The following UVSSA variants were observed in gnomAD, a reference collection of about 807,000 sequenced individuals.
UVSSA encodes the protein UV stimulated scaffold protein A, also known as UV-stimulated scaffold protein A.
In UVSSA, 72 loss-of-function variants were observed where a neutral mutation model predicts 73.9. The observed-to-expected ratio is 0.97, with a 90% CI of 0.81 to 1.19. UVSSA has a LOEUF of 1.19. UVSSA is among the 50% of genes most tolerant of loss of function. The probability of loss-of-function intolerance (pLI) is 0.00; values close to 1 mark genes in which losing one functional copy is unlikely to be tolerated. For missense variants in UVSSA, 1,150 were observed against 965.0 expected (o/e 1.19, Z -2.54); for synonymous variants, 454 against 391.3 (o/e 1.16, Z -1.89).
intron 8 of UVSSA, among the ~76,000 whole-genome samples, chr4:1,373,750 C>T (rs911122430): frequency 6.6e-6 from 1 of 152,190 alleles, no homozygotes; most frequent in South Asian, 2.1e-4. Context: ...ACCTGCGCGT[C>T]CCCCACACCC....
intron 3 of UVSSA, among the ~76,000 whole-genome samples, chr4:1,350,057 G>A (rs991246480): frequency 7.9e-5 from 12 of 152,192 alleles, no homozygotes; most frequent in African/African-American, 2.9e-4. Flanking sequence ...TGAGAGGGGC[G>A]GCGCAGCTCT....
rs538981470 is a variant in UVSSA at position 1,347,913 on chromosome 4, G to A, written c.-3+153G>A. ...GTTCACTTTTAAAACTGCAATCACC[G>A]CCGTAAAGGCCTTGCTGGACACACA... On this transcript the variant is annotated intron_variant, in intron 1 of 13. Transcript: ENST00000389851. 1.8e-5 allele frequency: 11 copies of A among 607,044 alleles called. No homozygotes were observed. The Admixed American group carries it at 2.9e-4, about 16-fold the overall frequency. 37.6% of individuals were successfully genotyped at this position (607,044 alleles called of 1,614,324 possible).
At chr4:1,364,844 C>T (rs1191019873) in intron 7 of UVSSA, among the ~76,000 whole-genome samples, 1 of 152,204 alleles carries the variant, frequency 6.6e-6, no homozygotes, top group Non-Finnish European at 1.5e-5. Context: ...CCCTGCCAGC[C>T]CCTCTCCTGG....
intron 7 of UVSSA, chr4:1,358,622 C>T (rs1160190836): frequency 6.6e-6 from 1 of 152,304 alleles, no homozygotes; most frequent in Admixed American, 6.5e-5. Context: ...GCCCATCTCC[C>T]TCCTGGCTCC....
rs1241513348 is a variant in UVSSA, at chr4:1,349,507, C to T, written c.99-17C>T. 22 of 1,608,022 alleles carry T rather than the reference C, an allele frequency of 1.4e-5. No individual in the cohort carries two copies. In the East Asian group the frequency reaches 3.8e-4, roughly 28 times the overall value. ...CTGCGTGTGGGGCAGTTGGGTCAGG[C>T]CAGCTCGCATCCCCAGGTCTTCAGA... On this transcript the variant is annotated splice_polypyrimidine_tract_variant and intron_variant, in intron 2 of 13. Coordinates refer to ENST00000389851, the MANE Select transcript of UVSSA (RefSeq NM_020894.4).
At chr4:1,349,465 C>CT (rs1714321996) in intron 2 of UVSSA, 59 bp from the exon 3 acceptor site, 3 of 1,536,274 alleles carry the variant, frequency 2.0e-6, no homozygotes, top group Admixed American at 1.7e-5. Context: ...CACGGAGAGT[C>CT]TCCCCCCGCC....
At chr4:1,350,079 C>CAT in intron 3 of UVSSA, among the ~76,000 whole-genome samples, 1 of 152,142 alleles carries the variant, frequency 6.6e-6, no homozygotes, top group East Asian at 1.9e-4. Context: ...AGAGGAAGAG[C>CAT]ATAAGCTTTA....
rs555434334 is a variant in UVSSA at position 1,366,608 on chromosome 4, G to A, written c.1288+177G>A. Reference sequence around the variant, plus strand: ...GTCGTAGCCACGAGGCCGAGAAGTCGTGTGTGTGCTTTTCCTCTACGTTCT... The same window carrying A: ...GTCGTAGCCACGAGGCCGAGAAGTCATGTGTGTGCTTTTCCTCTACGTTCT... On this transcript the variant is annotated intron_variant, in intron 8 of 13. Coordinates refer to ENST00000389851, the MANE Select transcript of UVSSA (RefSeq NM_020894.4). Among the ~76,000 whole-genome samples, 51 of 152,304 alleles carry A rather than the reference G, an allele frequency of 3.3e-4. No individual in the cohort carries two copies. In the South Asian group the frequency reaches 6.4e-3, roughly 19 times the overall value.
At chr4:1,388,503 T>C (rs1237811953), downstream of UVSSA, 1 of 152,256 alleles carries the variant, frequency 6.6e-6, no homozygotes, top group Non-Finnish European at 1.5e-5. Flanking sequence ...CAATGTTGAA[T>C]AGATGTGGTG....
intron 10 of UVSSA, among the ~76,000 whole-genome samples, chr4:1,377,628 C>A (rs1300502357): frequency 6.6e-6 from 1 of 152,188 alleles, no homozygotes; most frequent in East Asian, 1.9e-4. Context: ...ACCTGCCTGG[C>A]CCGTCCCCAG....
In UVSSA at chr4:1,388,023, CTTAATA is replaced by C. The variant is rs1454698005; in HGVS notation, c.*2067_*2072del. ...AGATTGCTTTGGAATGTATTACCGT[CTTAATA>C]TTAAATCTTCTGAGTCATGAGCTTC... On this transcript the variant is annotated 3_prime_UTR_variant, in exon 14 of 14. Coordinates refer to ENST00000389851, the MANE Select transcript of UVSSA (RefSeq NM_020894.4). 2 of 150,552 alleles carry C rather than the reference CTTAATA, an allele frequency of 1.3e-5. No individual in the cohort carries two copies. Among genetic ancestry groups the C allele is most frequent in the African/African-American group, 4.9e-5 (2 of 41,048 alleles). The allele number at this position is 150,552 out of a possible 1,614,324, so 9.3% of individuals were successfully genotyped here. A position where few individuals can be genotyped will look rare whatever the true frequency, so the allele number is the denominator to read the frequency against.
exon 14 of UVSSA, chr4:1,395,799 C>T (rs1340857950): frequency 5.0e-6 from 8 of 1,614,170 alleles, no homozygotes; most frequent in Non-Finnish European, 5.9e-6. Context: ...CTTTTTAATA[C>T]GTTTTTATGT....
rs966280179 is a variant in UVSSA, at chr4:1,386,350, C to A, written c.*389C>A. 5.5e-6 allele frequency: 1 copy of A among 181,630 alleles called. No homozygotes were observed. Among genetic ancestry groups the A allele is most frequent in the Non-Finnish European group, 1.2e-5 (1 of 85,574 alleles). 11.3% of individuals were successfully genotyped at this position (181,630 alleles called of 1,614,324 possible). On this transcript the variant is annotated 3_prime_UTR_variant, in exon 14 of 14. Coordinates refer to ENST00000389851, the MANE Select transcript of UVSSA (RefSeq NM_020894.4). ...CAGGAGGCGACCACTCAGAGGAACTCTGGGAAACCCACTTTTGTGCAAATG... is the reference window on the plus strand; with the variant it reads ...CAGGAGGCGACCACTCAGAGGAACTATGGGAAACCCACTTTTGTGCAAATG...
upstream of UVSSA, among the ~76,000 whole-genome samples, chr4:1,342,730 G>A (rs1454805430): frequency 6.6e-6 from 1 of 152,194 alleles, no homozygotes; most frequent in Non-Finnish European, 1.5e-5. Context: ...AACACCATTT[G>A]TTAAAAAGAC....
intron 8 of UVSSA, among the ~76,000 whole-genome samples, chr4:1,373,824 A>G (rs962360304): frequency 2.6e-5 from 4 of 151,670 alleles, no homozygotes; most frequent in Non-Finnish European, 5.9e-5. Context: ...CCTGTGTCTC[A>G]CTCGTGCTGT....
At chr4:1,343,296 T>C (rs769679646), upstream of UVSSA, among the ~76,000 whole-genome samples, 2 of 152,110 alleles carry the variant, frequency 1.3e-5, no homozygotes, top group Non-Finnish European at 2.9e-5. Flanking sequence ...AGTCTCTTCA[T>C]CTTACGAGGA....
Position 1,355,175 on chromosome 4 carries a change from C to G in UVSSA, c.1106C>G (p.Ala369Gly), listed in dbSNP as rs780224765. ...GCLKRAIDLK[A>G]ELELVLRKYK... ...TTAAAGCGTGCCATTGACCTGAAGG[C>G]TGAATTGGAGCTCGTACTGAGAAAA... The change falls in exon 7 of 14, where the codon GCT becomes GGT. Residue 369 changes from alanine to glycine, a missense_variant. Physicochemically the swap from Ala to Gly is moderately conservative, Grantham distance 60. Coordinates refer to ENST00000389851, the MANE Select transcript of UVSSA (RefSeq NM_020894.4). 6.2e-7 allele frequency: 1 copy of G among 1,613,758 alleles called. No homozygotes were observed. Among genetic ancestry groups the G allele is most frequent in the South Asian group, 1.1e-5 (1 of 91,066 alleles).
intron 3 of UVSSA, 79 bp downstream of exon 3, chr4:1,349,933 C>T: frequency 5.4e-6 from 7 of 1,288,262 alleles, no homozygotes; most frequent in Non-Finnish European, 7.3e-6. Context: ...TGAAGATGCG[C>T]CTCCTGTTGA....
At chr4:1,365,709 C>T (rs894685362) in intron 7 of UVSSA, among the ~76,000 whole-genome samples, 2 of 152,256 alleles carry the variant, frequency 1.3e-5, no homozygotes, top group African/African-American at 4.8e-5. Context: ...TGTGGTCACA[C>T]CAGCACCACG....
Sources: gnomAD v4.1 joint callset for allele counts (sites outside exome capture counted in the v4.1 genomes callset) on GRCh38, gnomAD v4.1.1 for gene constraint, MANE v1.5 for transcripts, NCBI Gene and HGNC (gene_info 2026-07-23, HGNC 2026-07-21) for gene names.